The following CEMIP variants were observed in gnomAD, a reference collection of about 807,000 sequenced individuals.
The protein encoded by CEMIP is cell migration-inducing and hyaluronan-binding protein.
CEMIP carries 105 observed loss-of-function variants against 156.9 expected under a neutral mutation model. That is an observed-to-expected ratio of 0.67 (90% CI 0.57 to 0.79). CEMIP has a LOEUF of 0.79. CEMIP is among the 30% of genes least tolerant of loss of function. CEMIP has a pLI of 0.00. For missense variants in CEMIP, 1,457 were observed against 1,769.4 expected (o/e 0.82, Z 3.17); for synonymous variants, 676 against 668.4 (o/e 1.01, Z -0.17).
intron 1 of CEMIP, among the ~76,000 whole-genome samples, chr15:80,791,109 TAA>T (rs5814036): frequency 6.3e-5 from 9 of 143,888 alleles, no homozygotes; most frequent in African/African-American, 2.0e-4. Context: ...TGCAGAGGAT[TAA>T]AAAAAAAAAA....
Position 80,894,579 on chromosome 15 carries a change from T to C in CEMIP, c.1087-411T>C, listed in dbSNP as rs6650528. Among the ~76,000 whole-genome samples, 290 of 152,248 alleles carry C rather than the reference T, an allele frequency of 1.9e-3. 1 individual carries two copies. Among genetic ancestry groups the C allele is most frequent in the African/African-American group, 6.4e-3 (264 of 41,558 alleles). The stretch of plus-strand genomic sequence containing the variant: ...CTGGGCATGAGTATTTTTTAAAGAC[T>C]CCTCCCCATGGGATGCAGAACCATG... On this transcript the variant is annotated intron_variant, in intron 10 of 29. Transcript: ENST00000394685.
At chr15:80,901,767 G>A (rs1054128104) in intron 12 of CEMIP, among the ~76,000 whole-genome samples, 10 of 151,854 alleles carry the variant, frequency 6.6e-5, no homozygotes, top group South Asian at 2.1e-4. Flanking sequence ...AGTAGCCACC[G>A]GTGACTAGTG....
At chr15:80,814,113 C>A (rs1896735663) in intron 1 of CEMIP, among the ~76,000 whole-genome samples, 1 of 129,498 alleles carries the variant, frequency 7.7e-6, no homozygotes, top group Non-Finnish European at 1.5e-5. Context: ...TGCAGTGGTG[C>A]AATCAGCTCA....
chr15:80,887,993 C>T (rs941439493), intron 8 of CEMIP, among the ~76,000 whole-genome samples: 4 of 152,206 alleles, frequency 2.6e-5, no homozygotes, highest in African/African-American at 9.6e-5. Context: ...GAAATCTTCA[C>T]TGACTTAATC....
chr15:80,820,144 C>T (rs905318451), intron 1 of CEMIP, among the ~76,000 whole-genome samples: 23 of 152,202 alleles, frequency 1.5e-4, no homozygotes, highest in Admixed American at 4.6e-4. Context: ...TCTTCTGTCT[C>T]CCTCTCTCTC....
chr15:80,862,100 A>T (rs927150762), intron 1 of CEMIP, among the ~76,000 whole-genome samples: 5 of 152,228 alleles, frequency 3.3e-5, no homozygotes, highest in African/African-American at 1.2e-4. Flanking sequence ...CAGCTGGCAG[A>T]GCCTTTTGTG....
intron 1 of CEMIP, among the ~76,000 whole-genome samples, chr15:80,829,409 G>A (rs1026728918): frequency 7.2e-5 from 11 of 152,138 alleles, no homozygotes; most frequent in Admixed American, 3.3e-4. Flanking sequence ...CCTGTCACAC[G>A]GTTCCTCATT....
intron 12 of CEMIP, among the ~76,000 whole-genome samples, chr15:80,901,787 C>T (rs892098571): frequency 2.0e-5 from 3 of 152,090 alleles, no homozygotes; most frequent in Non-Finnish European, 2.9e-5. Flanking sequence ...GGCTACCATA[C>T]TGGACAACGC....
At chr15:80,820,226 C>T (rs1291983147) in intron 1 of CEMIP, among the ~76,000 whole-genome samples, 1 of 152,152 alleles carries the variant, frequency 6.6e-6, no homozygotes, top group Non-Finnish European at 1.5e-5. Context: ...CAGTGGTATT[C>T]CATGGTAGTG....
intron 1 of CEMIP, among the ~76,000 whole-genome samples, chr15:80,790,938 A>G (rs2141577503): frequency 6.6e-6 from 1 of 152,318 alleles, no homozygotes; most frequent in South Asian, 2.1e-4. Flanking sequence ...GCATAAACAA[A>G]GCAATATGGA....
At chr15:80,803,450 G>A (rs1478997637) in intron 1 of CEMIP, among the ~76,000 whole-genome samples, 2 of 151,796 alleles carry the variant, frequency 1.3e-5, no homozygotes, top group Admixed American at 1.3e-4. Context: ...AACCCAAAAC[G>A]TTTAACTTTA....
At chr15:80,909,547 C>G (rs1408877585) in intron 14 of CEMIP, 2 of 594,306 alleles carry the variant, frequency 3.4e-6, no homozygotes, top group East Asian at 7.4e-5. Context: ...GTGGTGGTTT[C>G]TGGGAGTCCA....
chr15:80,786,156 G>A (rs1454888290), intron 1 of CEMIP, among the ~76,000 whole-genome samples: 1 of 152,068 alleles, frequency 6.6e-6, no homozygotes, highest in Non-Finnish European at 1.5e-5. Context: ...TGAAAACTTC[G>A]GTCCTGGGTC....
intron 1 of CEMIP, among the ~76,000 whole-genome samples, chr15:80,857,333 A>G (rs546314788): frequency 1.3e-5 from 2 of 152,314 alleles, no homozygotes; most frequent in Non-Finnish European, 2.9e-5. Flanking sequence ...GTCCGAGCCT[A>G]AGGGGCTCAT....
intron 3 of CEMIP, among the ~76,000 whole-genome samples, chr15:80,878,097 C>T (rs1415085771): frequency 6.6e-6 from 1 of 152,176 alleles, no homozygotes; most frequent in East Asian, 1.9e-4. Context: ...TGCAAAATGT[C>T]CCATTATAAG....
rs79299746 is a variant in CEMIP at position 80,877,769 on chromosome 15, C to G, written c.95-952C>G. 8.8e-3 allele frequency among the ~76,000 whole-genome samples: 1,330 copies of G among 151,938 alleles called. 20 individuals carry two copies. The highest frequency in any genetic ancestry group is 0.029 in the African/African-American group (1,205 of 41,182). ...GGGAGAAGTGCCTCTGCAATACCCA[C>G]CCCCGGTCTTTTTAGGCTCAACTAA... On this transcript the variant is annotated intron_variant, in intron 3 of 29. Transcript: ENST00000394685.
chr15:80,818,925 T>C (rs180806580), intron 1 of CEMIP, among the ~76,000 whole-genome samples: 1 of 152,322 alleles, frequency 6.6e-6, no homozygotes, highest in East Asian at 1.9e-4. Flanking sequence ...AGATCCATCC[T>C]GGGGAGTGGC....
At chr15:80,897,009 G>A (rs1899253896) in intron 12 of CEMIP, among the ~76,000 whole-genome samples, 1 of 152,162 alleles carries the variant, frequency 6.6e-6, no homozygotes, top group African/African-American at 2.4e-5. Flanking sequence ...CTGGTGGCTT[G>A]TGTGCTCACC....
intron 4 of CEMIP, among the ~76,000 whole-genome samples, chr15:80,879,349 A>T (rs981396414): frequency 6.6e-6 from 1 of 152,258 alleles, no homozygotes; most frequent in Non-Finnish European, 1.5e-5. Context: ...ATTTCCTTAA[A>T]ATACAGTTTG....
Sources: gnomAD v4.1 joint callset for allele counts (sites outside exome capture counted in the v4.1 genomes callset) on GRCh38, gnomAD v4.1.1 for gene constraint, MANE v1.5 for transcripts, NCBI Gene and HGNC (gene_info 2026-07-23, HGNC 2026-07-21) for gene names.